GPD2: variants seen among roughly 807,000 people sequenced by gnomAD.
GPD2 encodes glycerol-3-phosphate dehydrogenase 2.
Under a neutral mutation model 82.4 loss-of-function variants are expected in GPD2, and 54 were observed. That is an observed-to-expected ratio of 0.66 (90% CI 0.53 to 0.82). The LOEUF is 0.82. GPD2 is among the 40% of genes least tolerant of loss of function. The probability of loss-of-function intolerance (pLI) is 0.00; values close to 1 mark genes in which losing one functional copy is unlikely to be tolerated. For synonymous variants in GPD2, 288 were observed against 306.1 expected (o/e 0.94, Z 0.62); for missense variants, 748 against 896.2 (o/e 0.83, Z 2.11).
At chr2:156,513,309 C>CT in intron 5 of GPD2, 24 bp from the exon 6 acceptor site, 1 of 1,557,962 alleles carries the variant, frequency 6.4e-7, no homozygotes, top group Non-Finnish European at 8.8e-7. Flanking sequence ...TTCTGAAGAA[C>CT]TTTCCCCCCT....
At chr2:156,494,447 C>G (rs1684296900) in intron 2 of GPD2, among the ~76,000 whole-genome samples, 1 of 152,140 alleles carries the variant, frequency 6.6e-6, no homozygotes, top group African/African-American at 2.4e-5. Flanking sequence ...GTGCTAAATC[C>G]CAGGCTGGGA....
intron 3 of GPD2, among the ~76,000 whole-genome samples, chr2:156,510,158 A>G (rs1684943432): frequency 6.6e-6 from 1 of 152,196 alleles, no homozygotes; most frequent in African/African-American, 2.4e-5. Flanking sequence ...TAATTCTAAA[A>G]TATTGTCATG....
intron 6 of GPD2, among the ~76,000 whole-genome samples, chr2:156,525,992 T>C (rs1685591815): frequency 6.6e-6 from 1 of 152,224 alleles, no homozygotes; most frequent in Non-Finnish European, 1.5e-5. Flanking sequence ...GTTTATTATA[T>C]GTACACTTGT....
chr2:156,585,240 G>C lies in GPD2; in HGVS notation c.*2322G>C, dbSNP rs1421075904. 1.3e-5 allele frequency: 2 copies of C among 152,288 alleles called. No individual in the cohort carries two copies. The highest frequency in any genetic ancestry group is 6.6e-5 in the Admixed American group (1 of 15,208). The allele number at this position is 152,288 out of a possible 1,614,324, so 9.4% of individuals were successfully genotyped here. A position where few individuals can be genotyped will look rare whatever the true frequency, so the allele number is the denominator to read the frequency against. ...TTTAAGAAAGGGAGACAAGCAATAG[G>C]GGGGAATAAGCTTCTTCAAAATTCA... is the stretch of plus-strand genomic sequence containing the variant. On this transcript the variant is annotated 3_prime_UTR_variant, in exon 17 of 17. Coordinates refer to ENST00000438166, the MANE Select transcript of GPD2 (RefSeq NM_000408.5).
the GPD2 span, among the ~76,000 whole-genome samples, chr2:156,402,524 A>C: frequency 6.6e-6 from 1 of 152,084 alleles, no homozygotes; most frequent in Non-Finnish European, 1.5e-5. Context: ...AATGGGGGAG[A>C]AATGGGGTTT....
chr2:156,567,537 G>T (rs1687436980), intron 9 of GPD2, among the ~76,000 whole-genome samples: 1 of 152,210 alleles, frequency 6.6e-6, no homozygotes, highest in South Asian at 2.1e-4. Context: ...CCAAGTCACA[G>T]TTGAAGCAAA....
intron 6 of GPD2, among the ~76,000 whole-genome samples, chr2:156,524,374 G>C (rs1685529969): frequency 6.6e-6 from 1 of 152,190 alleles, no homozygotes; most frequent in Non-Finnish European, 1.5e-5. Context: ...GCTCAGCTGG[G>C]TGGTTGTCAC....
At chr2:156,562,857 T>G (rs1334205714) in intron 9 of GPD2, among the ~76,000 whole-genome samples, 1 of 152,218 alleles carries the variant, frequency 6.6e-6, no homozygotes, top group Non-Finnish European at 1.5e-5. Flanking sequence ...TTTTTGGGAA[T>G]GTAATACAAA....
intron 1 of GPD2, among the ~76,000 whole-genome samples, chr2:156,448,848 C>G (rs1375397192): frequency 6.6e-6 from 1 of 152,208 alleles, no homozygotes; most frequent in Non-Finnish European, 1.5e-5. Flanking sequence ...TTTATTCTTT[C>G]ATCATTCAGG....
chr2:156,419,045 CCTT>C, the GPD2 span, among the ~76,000 whole-genome samples: 1 of 142,638 alleles, frequency 7.0e-6, no homozygotes, highest in Non-Finnish European at 1.5e-5. Flanking sequence ...TATTTTCTTT[CCTT>C]CTTTTTTTTT....
Position 156,448,663 on chromosome 2 carries a change from A to C in GPD2, c.-9+12150A>C, listed in dbSNP as rs577965981. 2.3e-4 allele frequency among the ~76,000 whole-genome samples: 35 copies of C among 152,322 alleles called. 1 individual carries two copies. In the South Asian group the frequency reaches 6.8e-3, roughly 30 times the overall value. On this transcript the variant is annotated intron_variant, in intron 1 of 16. Transcript: ENST00000438166. ...CTTGCCATGCAAAGTTGAGGAGCAG[A>C]GCATTCCAGGTAGAGGCAGCTGGCC...
At chr2:156,564,199 G>A (rs2105355800) in intron 9 of GPD2, among the ~76,000 whole-genome samples, 1 of 152,206 alleles carries the variant, frequency 6.6e-6, no homozygotes, top group East Asian at 1.9e-4. Context: ...TTAATGATTT[G>A]TCAGGGTCTA....
intron 8 of GPD2, among the ~76,000 whole-genome samples, chr2:156,556,367 G>C (rs1686962445): frequency 6.6e-6 from 1 of 152,192 alleles, no homozygotes; most frequent in Non-Finnish European, 1.5e-5. Context: ...GATTTGTAGT[G>C]TTCTACTTGA....
chr2:156,525,803 G>A lies in GPD2; in HGVS notation c.661+12307G>A, dbSNP rs551095865. ...GATTAGGAATTTATTTTTTTAAACT[G>A]TGCTTCTGTTTTATAAATTATGTAA... On this transcript the variant is annotated intron_variant, in intron 6 of 16. Transcript: ENST00000438166. 6.6e-5 allele frequency among the ~76,000 whole-genome samples: 10 copies of A among 152,142 alleles called. No homozygotes were observed. In the South Asian group the frequency reaches 1.9e-3, roughly 28 times the overall value.
chr2:156,508,256 C>G (rs1684857816), intron 3 of GPD2, among the ~76,000 whole-genome samples: 1 of 151,848 alleles, frequency 6.6e-6, no homozygotes, highest in African/African-American at 2.4e-5. Context: ...CAGGAGCCTC[C>G]CTTTGTTCCT....
At chr2:156,563,399 A>T (rs1270479276) in intron 9 of GPD2, among the ~76,000 whole-genome samples, 1 of 152,170 alleles carries the variant, frequency 6.6e-6, no homozygotes, top group Non-Finnish European at 1.5e-5. Context: ...TTGAGCTGTA[A>T]AGCATAGAGG....
chr2:156,574,232 C>G (rs1158257231), intron 13 of GPD2, among the ~76,000 whole-genome samples: 1 of 151,740 alleles, frequency 6.6e-6, no homozygotes, highest in Non-Finnish European at 1.5e-5. Flanking sequence ...AAAAACATTG[C>G]CAAATTGTGT....
intron 6 of GPD2, among the ~76,000 whole-genome samples, chr2:156,519,122 T>C (rs1380424937): frequency 1.3e-5 from 2 of 152,214 alleles, no homozygotes; most frequent in Admixed American, 6.5e-5. Flanking sequence ...AAAACAGTAA[T>C]ATGTACATTA....
At chr2:156,400,851 C>T in the GPD2 span, among the ~76,000 whole-genome samples, 2 of 152,274 alleles carry the variant, frequency 1.3e-5, no homozygotes, top group South Asian at 2.1e-4. Context: ...AATCAGCCGA[C>T]GTTTGCTTTT....
Sources: allele counts gnomAD v4.1 joint callset (sites outside exome capture counted in the v4.1 genomes callset), GRCh38; gene constraint gnomAD v4.1.1; transcripts MANE v1.5; gene names NCBI Gene and HGNC (gene_info 2026-07-23, HGNC 2026-07-21).